The following NLRP1 variants were observed in gnomAD, a reference collection of about 807,000 sequenced individuals.
NLRP1 encodes NLR family pyrin domain containing 1, also known as NACHT, LRR and PYD domains-containing protein 1.
Under a neutral mutation model 136.7 loss-of-function variants are expected in NLRP1, and 94 were observed. That is an observed-to-expected ratio of 0.69 (90% CI 0.58 to 0.82). The LOEUF (loss-of-function observed/expected upper bound fraction) is 0.82, where lower values mean the gene tolerates loss of function less well. NLRP1 is among the 40% of genes least tolerant of loss of function. The probability of loss-of-function intolerance (pLI) is 0.00; values close to 1 mark genes in which losing one functional copy is unlikely to be tolerated. For synonymous variants in NLRP1, 690 were observed against 725.1 expected (o/e 0.95, Z 0.78); for missense variants, 1,575 against 1,802.7 (o/e 0.87, Z 2.29).
chr17:5,508,883 T>C (rs1430136518), intron 15 of NLRP1, among the ~76,000 whole-genome samples: 1 of 152,222 alleles, frequency 6.6e-6, no homozygotes, highest in African/African-American at 2.4e-5. Context: ...GGGTGACTTC[T>C]TTCTCATTTG....
Position 5,545,473 on chromosome 17 carries a change from CACAG to C in NLRP1, c.2529-3450_2529-3447del, listed in dbSNP as rs1265762876. 3.5e-4 allele frequency among the ~76,000 whole-genome samples: 53 copies of C among 151,156 alleles called. 1 individual carries two copies. The highest frequency in any genetic ancestry group is 1.1e-3 in the African/African-American group (45 of 40,932). ...ACACAGACACACATACAGACACACACACAGACACACACACACAGACACACAGACA... is the reference window on the plus strand; with the variant it reads ...ACACAGACACACATACAGACACACACACACACACACACAGACACACAGACA... On this transcript the variant is annotated intron_variant, in intron 5 of 16. Coordinates refer to ENST00000572272, the MANE Select transcript of NLRP1 (RefSeq NM_033004.4).
intron 3 of NLRP1, among the ~76,000 whole-genome samples, chr17:5,576,922 T>C (rs1423671182): frequency 6.6e-6 from 1 of 152,172 alleles, no homozygotes; most frequent in Admixed American, 6.5e-5. Context: ...CATGATCAAG[T>C]GGGCTTCATC....
chr17:5,549,074 A>G (rs1349163076), intron 5 of NLRP1, among the ~76,000 whole-genome samples: 3 of 152,190 alleles, frequency 2.0e-5, no homozygotes, highest in Non-Finnish European at 4.4e-5. Flanking sequence ...CTTCCAATCT[A>G]TGAACATGGG....
intron 3 of NLRP1, among the ~76,000 whole-genome samples, chr17:5,581,387 GC>G (rs1442534294): frequency 1.3e-5 from 2 of 152,204 alleles, no homozygotes; most frequent in African/African-American, 4.8e-5. Flanking sequence ...TATGATAATA[GC>G]AATATTTATC....
At position 5,558,614 on chromosome 17, in the gene NLRP1, C is replaced by T. The variant is rs144276097; in HGVS notation, c.2082G>A (p.Leu694=). The part of the protein sequence containing the change: ...REMENIFHCR[L]SQGRNLMQWV... ...ACTGCATCAGGTTCCTCCCCTGAGA[C>T]AGCCGGCAGTGAAAGATGTTCTCCA... Residue 694 remains leucine (L), a synonymous_variant, in exon 4 of 17, where the codon CTG becomes CTA. Transcript: ENST00000572272. The T allele has an allele frequency of 9.5e-5, 153 of 1,614,142 alleles. No homozygotes were observed. In the East Asian group the frequency reaches 2.2e-3, roughly 23 times the overall value.
chr17:5,532,782 C>G (rs201988077), intron 11 of NLRP1, 40 bp downstream of exon 11: 1 of 1,538,066 alleles, frequency 6.5e-7, no homozygotes, highest in African/African-American at 1.4e-5. Flanking sequence ...CAGTGGGGTG[C>G]GGGAGGCCAG....
chr17:5,522,194 C>T (rs1004512207), intron 12 of NLRP1, among the ~76,000 whole-genome samples: 6 of 152,232 alleles, frequency 3.9e-5, no homozygotes, highest in African/African-American at 1.4e-4. Context: ...AGGGCTTAGG[C>T]TCAGGTACCC....
chr17:5,552,084 C>CTT (rs71151872), intron 5 of NLRP1, among the ~76,000 whole-genome samples: 24 of 96,674 alleles, frequency 2.5e-4, no homozygotes, highest in African/African-American at 6.9e-4. Context: ...TCTATCTTTC[C>CTT]TTTTTTTTTT....
intron 3 of NLRP1, among the ~76,000 whole-genome samples, chr17:5,577,011 C>A (rs1465607172): frequency 6.6e-6 from 1 of 152,166 alleles, no homozygotes; most frequent in Non-Finnish European, 1.5e-5. Context: ...AAGACAAAAA[C>A]CACATGATTA....
Position 5,558,514 on chromosome 17 carries a change from T to C in NLRP1, c.2182A>G (p.Lys728Glu). The stretch of plus-strand genomic sequence containing the variant: ...GCCATCACTTGTGTCAGGAACGTTT[T>C]GTTCCGAGTCTCGTACAAGCAGTGG... ...SLHCLYETRNKTFLTQVMAHF... is the reference protein window; with the variant it reads ...SLHCLYETRNETFLTQVMAHF... The change falls in exon 4 of 17, where the codon AAA becomes GAA. Residue 728 changes from lysine (K) to glutamate (E), a missense_variant. Coordinates refer to ENST00000572272, the MANE Select transcript of NLRP1 (RefSeq NM_033004.4). The C allele has an allele frequency of 6.2e-7, 1 of 1,614,068 alleles. No individual in the cohort carries two copies. The highest frequency in any genetic ancestry group is 8.5e-7 in the Non-Finnish European group (1 of 1,179,996).
intron 3 of NLRP1, among the ~76,000 whole-genome samples, chr17:5,571,555 C>T (rs1020705149): frequency 6.6e-6 from 1 of 152,136 alleles, no homozygotes; most frequent in Non-Finnish European, 1.5e-5. Context: ...TGTGAAAGAT[C>T]TCTATAGCAA....
At chr17:5,545,046 CTG>C (rs995081360) in intron 5 of NLRP1, among the ~76,000 whole-genome samples, 4 of 152,200 alleles carry the variant, frequency 2.6e-5, no homozygotes, top group Admixed American at 1.3e-4. Context: ...CCAAAAATCT[CTG>C]TCTTTCCTTG....
rs200691997 is a variant in NLRP1, at chr17:5,559,521, G to A, written c.1175C>T (p.Pro392Leu). 1.3e-5 allele frequency: 21 copies of A among 1,614,000 alleles called. No individual in the cohort carries two copies. The highest frequency in any genetic ancestry group is 7.7e-5 in the South Asian group (7 of 91,088). Residue 392 changes from proline (P) to leucine (L), a missense_variant, in exon 4 of 17, where the codon CCG becomes CTG. Physicochemically the swap from Pro to Leu is moderately conservative, Grantham distance 98. Transcript: ENST00000572272. ...ELIGKDGTAT[P>L]APIRQILSRP... is the part of the protein sequence containing the mutation. ...AGACAGGATCTGTCTAATGGGAGCC[G>A]GAGTGGCTGTCCCATCTTTTCCGAT...
At position 5,521,679 on chromosome 17, in the gene NLRP1, G is replaced by A; in HGVS notation, c.3628C>T (p.Pro1210Ser). 6.2e-7 allele frequency: 1 copy of A among 1,613,876 alleles called. No individual in the cohort carries two copies. The highest frequency in any genetic ancestry group is 1.1e-5 in the South Asian group (1 of 91,066). The change falls in exon 13 of 17, where the codon CCC becomes TCC. Residue 1210 changes from proline to serine, a missense_variant. By Grantham distance (74) the Pro-to-Ser change is moderately conservative (BLOSUM62 -1). Transcript: ENST00000572272. ...AGGACTCCCAAGGGGGAGAAGCTGG[G>A]GTTTTCCAGAACTATGTGATGCAGC... ...VELHHIVLEN[P>S]SFSPLGVLLK...
chr17:5,509,852 A>T (rs1248739504), downstream of NLRP1, among the ~76,000 whole-genome samples: 2 of 151,962 alleles, frequency 1.3e-5, no homozygotes, highest in African/African-American at 4.8e-5. Flanking sequence ...CCCTGTTCCA[A>T]GTGGCCCACT....
At chr17:5,578,000 G>A (rs564417459) in intron 3 of NLRP1, among the ~76,000 whole-genome samples, 1 of 152,290 alleles carries the variant, frequency 6.6e-6, no homozygotes, top group South Asian at 2.1e-4. Context: ...ACAAAAACAA[G>A]AAATGGGGAA....
chr17:5,529,066 C>T (rs566000024), intron 12 of NLRP1, among the ~76,000 whole-genome samples: 17 of 152,340 alleles, frequency 1.1e-4, no homozygotes, highest in Middle Eastern at 3.4e-3. Context: ...CAGTGGCTCA[C>T]ACCTATAACC....
chr17:5,558,338 C>A lies in NLRP1; in HGVS notation c.2357+1G>T. 1.3e-6 allele frequency: 2 copies of A among 1,593,978 alleles called. No homozygotes were observed. Among genetic ancestry groups the A allele is most frequent in the South Asian group, 1.1e-5 (1 of 88,410 alleles). On this transcript the variant is annotated splice_donor_variant, in intron 4 of 16. Coordinates refer to ENST00000572272, the MANE Select transcript of NLRP1 (RefSeq NM_033004.4). LOFTEE classifies it high-confidence loss of function. ...CAGACATGGGTGGTTTGGGTACTCA[C>A]AGGACTACCATGGTGGGGCTCCATG...
At chr17:5,533,122 C>T (rs1910534065) in intron 10 of NLRP1, 138 bp from the exon 11 acceptor site, 1 of 1,430,578 alleles carries the variant, frequency 7.0e-7, no homozygotes, top group Admixed American at 2.5e-5. Flanking sequence ...GCTTCTGCTC[C>T]TGCTCCATGG....
Sources: allele counts gnomAD v4.1 joint callset (sites outside exome capture counted in the v4.1 genomes callset), GRCh38; gene constraint gnomAD v4.1.1; transcripts MANE v1.5; gene names NCBI Gene and HGNC (gene_info 2026-07-23, HGNC 2026-07-21).